ERC2: variants seen among roughly 807,000 people sequenced by gnomAD.
ERC2 encodes the protein ELKS/RAB6-interacting/CAST family member 2, also known as ERC protein 2.
In ERC2, 42 loss-of-function variants were observed where a neutral mutation model predicts 114.8. The observed-to-expected ratio is 0.37, with a 90% CI of 0.29 to 0.47. ERC2 has a LOEUF of 0.47. Among genes scored for constraint, ERC2 ranks in the 20% least tolerant of loss-of-function variants. ERC2 has a pLI of 0.99. For synonymous variants in ERC2, 454 were observed against 425.5 expected, an observed-to-expected ratio of 1.07 and a Z score of -0.82; for missense variants, 939 against 1,150.7, an observed-to-expected ratio of 0.82 and a Z score of 2.66.
intron 6 of ERC2, among the ~76,000 whole-genome samples, chr3:56,105,608 G>A (rs1575440187): frequency 1.3e-5 from 2 of 152,258 alleles, no homozygotes. Context: ...GAGCCATCAT[G>A]TCCAGCCCCA....
chr3:55,589,402 G>C (rs1258754728), intron 17 of ERC2, among the ~76,000 whole-genome samples: 2 of 152,150 alleles, frequency 1.3e-5, no homozygotes, highest in African/African-American at 2.4e-5. Flanking sequence ...CAAGACACGT[G>C]ACGGTCATTT....
At chr3:56,289,092 C>T (rs2054912008) in intron 3 of ERC2, among the ~76,000 whole-genome samples, 1 of 151,734 alleles carries the variant, frequency 6.6e-6, no homozygotes, top group Admixed American at 6.6e-5. Context: ...ACCTTGGCTG[C>T]ACGGCTCCAC....
At chr3:56,047,838 AG>A (rs1285216351) in intron 7 of ERC2, among the ~76,000 whole-genome samples, 1 of 152,176 alleles carries the variant, frequency 6.6e-6, no homozygotes, top group African/African-American at 2.4e-5. Flanking sequence ...CCTCAAAATA[AG>A]GGGCAAGTGG....
intron 14 of ERC2, among the ~76,000 whole-genome samples, chr3:55,881,275 C>T (rs2063108686): frequency 6.6e-6 from 1 of 152,158 alleles, no homozygotes. Flanking sequence ...TGCTGTCTTA[C>T]CTCACTGTAA....
intron 14 of ERC2, among the ~76,000 whole-genome samples, chr3:55,805,112 T>C (rs2059439754): frequency 6.6e-6 from 1 of 152,072 alleles, no homozygotes; most frequent in Non-Finnish European, 1.5e-5. Context: ...CTAACCTTTA[T>C]TGAGTACTTA....
intron 14 of ERC2, among the ~76,000 whole-genome samples, chr3:55,875,522 T>C (rs1207461796): frequency 1.3e-5 from 2 of 152,134 alleles, no homozygotes; most frequent in East Asian, 3.9e-4. Context: ...GGTTCCCAAA[T>C]TCCGTGACTG....
chr3:55,991,985 A>G, intron 11 of ERC2, 72 bp downstream of exon 11: 3 of 1,378,872 alleles, frequency 2.2e-6, no homozygotes, highest in Middle Eastern at 2.0e-4. Context: ...CAAATCCACC[A>G]CAACCGGAGA....
rs538688376 is a variant in ERC2, at chr3:55,963,567, A to G, written c.2268-13007T>C. 3.3e-5 allele frequency among the ~76,000 whole-genome samples: 5 copies of G among 152,338 alleles called. No individual in the cohort carries two copies. In the East Asian group the frequency reaches 9.6e-4, roughly 29 times the overall value. ...AAAACTCCTGCCCTCTTCCCACCTC[A>G]TATCTCCTCTTTGCACATTATTTAC... On this transcript the variant is annotated intron_variant, in intron 12 of 17. Transcript: ENST00000288221.
At chr3:56,234,835 C>T (rs543056999) in intron 3 of ERC2, among the ~76,000 whole-genome samples, 1 of 152,306 alleles carries the variant, frequency 6.6e-6, no homozygotes, top group Admixed American at 6.5e-5. Context: ...TTAATCTACA[C>T]ATAAGGACAG....
chr3:55,813,527 C>T (rs2059799979), intron 14 of ERC2, among the ~76,000 whole-genome samples: 1 of 152,198 alleles, frequency 6.6e-6, no homozygotes. Context: ...GTGATCTTCA[C>T]AGTCCTTACA....
intron 17 of ERC2, among the ~76,000 whole-genome samples, chr3:55,520,055 C>CAA (rs10626284): frequency 0.35 from 51,641 of 146,024 alleles, 10,216 homozygotes; most frequent in African/African-American, 0.55. Context: ...ACCCAGTCTC[C>CAA]AAAAAAAAAG....
At chr3:55,619,559 G>A (rs61559697) in intron 17 of ERC2, among the ~76,000 whole-genome samples, 40,756 of 152,114 alleles carry the variant, frequency 0.27, 5,856 homozygotes, top group East Asian at 0.64. Flanking sequence ...GTATGAAAGT[G>A]CAGTGAAACG....
At chr3:56,256,069 G>T (rs1209318586) in intron 3 of ERC2, among the ~76,000 whole-genome samples, 1 of 152,108 alleles carries the variant, frequency 6.6e-6, no homozygotes, top group African/African-American at 2.4e-5. Context: ...TTTCCACAAG[G>T]CTAGCTATGG....
chr3:56,148,175 T>A (rs114976104), intron 5 of ERC2, among the ~76,000 whole-genome samples: 154 of 152,344 alleles, frequency 1.0e-3, no homozygotes, highest in Middle Eastern at 3.4e-3. Context: ...TTATCCCTAT[T>A]TCACGGATAA....
intron 2 of ERC2, among the ~76,000 whole-genome samples, chr3:56,361,027 G>A (rs1026083520): frequency 2.6e-5 from 4 of 152,170 alleles, no homozygotes; most frequent in African/African-American, 7.2e-5. Flanking sequence ...AAAGATCCTC[G>A]CATGTTGAAG....
intron 3 of ERC2, among the ~76,000 whole-genome samples, chr3:56,237,216 G>A (rs1278353130): frequency 1.3e-5 from 2 of 152,110 alleles, no homozygotes; most frequent in East Asian, 1.9e-4. Flanking sequence ...TATTTTTCCA[G>A]CATCAGTGGA....
At chr3:56,401,461 C>T (rs996320587) in intron 2 of ERC2, among the ~76,000 whole-genome samples, 1 of 152,218 alleles carries the variant, frequency 6.6e-6, no homozygotes, top group Admixed American at 6.5e-5. Flanking sequence ...TTTCTATCAT[C>T]AACATCCTTC....
At chr3:55,830,871 G>C (rs1156864625) in intron 14 of ERC2, among the ~76,000 whole-genome samples, 1 of 152,112 alleles carries the variant, frequency 6.6e-6, no homozygotes, top group Non-Finnish European at 1.5e-5. Context: ...TTGACCCCAG[G>C]AATTTGAGGC....
intron 14 of ERC2, among the ~76,000 whole-genome samples, chr3:55,864,124 C>CACATATATATATACATATATATATATAT (rs1559782669): frequency 7.2e-6 from 1 of 139,614 alleles, no homozygotes; most frequent in South Asian, 2.1e-4. Context: ...TATATACACA[C>CACATATATATATACATATATATATATAT]ACACATATAT....
Sources: allele counts gnomAD v4.1 joint callset (sites outside exome capture counted in the v4.1 genomes callset), GRCh38; gene constraint gnomAD v4.1.1; transcripts MANE v1.5; gene names NCBI Gene and HGNC (gene_info 2026-07-23, HGNC 2026-07-21).